RIMS2: variants seen among roughly 807,000 people sequenced by gnomAD.
RIMS2 encodes the protein regulating synaptic membrane exocytosis protein 2.
A neutral mutation model predicts 174.4 loss-of-function variants in RIMS2; 59 were observed. The ratio of observed to expected loss-of-function variants is 0.34; its 90% CI spans 0.27 to 0.42. The LOEUF is 0.42. Among genes scored for constraint, RIMS2 ranks in the 10% least tolerant of loss-of-function variants. The pLI, the probability that RIMS2 is intolerant of heterozygous loss-of-function variation, is 1.00. For missense variants in RIMS2, 1,620 were observed against 1,666.3 expected (o/e 0.97, Z 0.48); for synonymous variants, 606 against 572.5 (o/e 1.06, Z -0.84).
At chr8:104,012,773 C>A (rs2095802157) in intron 17 of RIMS2, among the ~76,000 whole-genome samples, 1 of 152,022 alleles carries the variant, frequency 6.6e-6, no homozygotes, top group African/African-American at 2.4e-5. Context: ...TGTTTGTGGT[C>A]AAAGAGATCA....
At chr8:104,181,930 C>T (rs1326091016) in intron 19 of RIMS2, among the ~76,000 whole-genome samples, 1 of 151,632 alleles carries the variant, frequency 6.6e-6, no homozygotes, top group Non-Finnish European at 1.5e-5. Context: ...CTACTCAAGG[C>T]AAATGTTAGA....
At chr8:103,600,683 CT>C (rs2094693761) in intron 1 of RIMS2, among the ~76,000 whole-genome samples, 1 of 152,026 alleles carries the variant, frequency 6.6e-6, no homozygotes, top group African/African-American at 2.4e-5. Context: ...CTTCAATATG[CT>C]GATTTCCTTG....
chr8:103,951,042 C>A (rs1375727338), intron 14 of RIMS2, among the ~76,000 whole-genome samples: 6 of 152,168 alleles, frequency 3.9e-5, no homozygotes, highest in Admixed American at 3.9e-4. Flanking sequence ...TTCTTTATCC[C>A]TGGGATGCAA....
intron 2 of RIMS2, among the ~76,000 whole-genome samples, chr8:103,736,715 G>T (rs896376734): frequency 6.6e-6 from 1 of 152,126 alleles, no homozygotes; most frequent in Non-Finnish European, 1.5e-5. Flanking sequence ...ATTTTGGTTT[G>T]TTCTTGGGAG....
At chr8:103,728,598 G>A (rs1245068392) in intron 2 of RIMS2, among the ~76,000 whole-genome samples, 2 of 151,756 alleles carry the variant, frequency 1.3e-5, no homozygotes, top group Non-Finnish European at 2.9e-5. Flanking sequence ...GTTGAGGTGT[G>A]TTCCCTCTAT....
chr8:103,621,848 T>C (rs2095642714), intron 1 of RIMS2, among the ~76,000 whole-genome samples: 2 of 149,200 alleles, frequency 1.3e-5, no homozygotes, highest in Non-Finnish European at 3.0e-5. Context: ...ATATGTATGG[T>C]AGCAAAAATA....
intron 19 of RIMS2, among the ~76,000 whole-genome samples, chr8:104,055,612 T>C (rs1232904812): frequency 6.6e-6 from 1 of 152,206 alleles, no homozygotes; most frequent in Non-Finnish European, 1.5e-5. Context: ...CCTCAAAATA[T>C]ATCTTGTTTT....
chr8:103,881,286 T>G (rs2099166302), intron 3 of RIMS2, among the ~76,000 whole-genome samples: 1 of 151,592 alleles, frequency 6.6e-6, no homozygotes, highest in Admixed American at 6.6e-5. Flanking sequence ...TTCCATGTAA[T>G]TTTTCACTGT....
chr8:103,569,769 A>G (rs923520769), intron 1 of RIMS2, among the ~76,000 whole-genome samples: 3 of 151,122 alleles, frequency 2.0e-5, no homozygotes, highest in African/African-American at 4.9e-5. Context: ...AGCATGTGCT[A>G]CTGCCCCTGG....
chr8:103,915,346 G>C (rs150434562), intron 6 of RIMS2, 149 bp from the exon 10 acceptor site: 1 of 467,688 alleles, frequency 2.1e-6, no homozygotes, highest in East Asian at 3.1e-5. Flanking sequence ...TAACCTAATA[G>C]AGACAATAAA....
intron 3 of RIMS2, among the ~76,000 whole-genome samples, chr8:103,864,026 A>C (rs938909378): frequency 6.6e-6 from 1 of 151,792 alleles, no homozygotes; most frequent in Non-Finnish European, 1.5e-5. Context: ...CTCCTGCCTC[A>C]GCCCCCAGAG....
At chr8:103,885,980 G>T in exon 4 of RIMS2, 2 of 1,612,968 alleles carry the variant, frequency 1.2e-6, no homozygotes, top group Non-Finnish European at 1.7e-6. Context: ...GCACCACTTA[G>T]ATCCTAGCTC....
intron 3 of RIMS2, among the ~76,000 whole-genome samples, chr8:103,793,855 C>G (rs1415410200): frequency 6.6e-6 from 1 of 152,048 alleles, no homozygotes; most frequent in Non-Finnish European, 1.5e-5. Context: ...GAATAAAATA[C>G]CTAGGAATCC....
At chr8:103,596,794 A>T (rs2094494741) in intron 1 of RIMS2, among the ~76,000 whole-genome samples, 1 of 152,030 alleles carries the variant, frequency 6.6e-6, no homozygotes, top group Non-Finnish European at 1.5e-5. Context: ...AATAAGAAAA[A>T]AGAATAAAAA....
intron 19 of RIMS2, among the ~76,000 whole-genome samples, chr8:104,095,375 G>C (rs1406705043): frequency 6.6e-6 from 1 of 152,104 alleles, no homozygotes; most frequent in Non-Finnish European, 1.5e-5. Context: ...ATGCCTTAGG[G>C]TTTATTAGAA....
intron 11 of RIMS2, among the ~76,000 whole-genome samples, chr8:103,928,640 T>G (rs2079253357): frequency 6.6e-6 from 1 of 151,278 alleles, no homozygotes; most frequent in Admixed American, 6.6e-5. Context: ...TGAGTAATAC[T>G]TATTTTGTTT....
intron 4 of RIMS2, among the ~76,000 whole-genome samples, chr8:103,890,689 T>TGTGTTTGTTTTTTGC (rs1160289230): frequency 6.6e-6 from 1 of 152,022 alleles, no homozygotes; most frequent in Non-Finnish European, 1.5e-5. Flanking sequence ...TCGTTTTTTG[T>TGTGTTTGTTTTTTGC]GTGTTTGTTT....
chr8:103,684,017 A>G (rs1355261313), intron 1 of RIMS2, among the ~76,000 whole-genome samples: 2 of 152,162 alleles, frequency 1.3e-5, no homozygotes, highest in African/African-American at 4.8e-5. Flanking sequence ...TTATCTGTTA[A>G]TTTACTGGCT....
At chr8:103,766,412 A>T in exon 3 of RIMS2, 6 of 1,613,762 alleles carry the variant, frequency 3.7e-6, no homozygotes, top group Non-Finnish European at 5.1e-6. Context: ...AGTTCCAAGG[A>T]CCCTCAGGTG....
Sources: gnomAD v4.1 joint callset for allele counts (sites outside exome capture counted in the v4.1 genomes callset) on GRCh38, gnomAD v4.1.1 for gene constraint, MANE v1.5 for transcripts, NCBI Gene and HGNC (gene_info 2026-07-23, HGNC 2026-07-21) for gene names.